MAML3: variants seen among roughly 807,000 people sequenced by gnomAD.
MAML3 encodes the protein mastermind-like protein 3.
A neutral mutation model predicts 101.9 loss-of-function variants in MAML3; 27 were observed. The ratio of observed to expected loss-of-function variants is 0.27; its 90% CI spans 0.20 to 0.37. The LOEUF (loss-of-function observed/expected upper bound fraction) is 0.37. Among genes scored for constraint, MAML3 ranks in the 10% least tolerant of loss-of-function variants. The pLI, the probability that MAML3 is intolerant of heterozygous loss-of-function variation, is 1.00. For synonymous variants in MAML3, 501 were observed against 555.9 expected, an observed-to-expected ratio of 0.90 and a Z score of 1.39; for missense variants, 1,316 against 1,444.9, an observed-to-expected ratio of 0.91 and a Z score of 1.45.
chr4:139,944,451 T>C (rs1479234675), intron 1 of MAML3, among the ~76,000 whole-genome samples: 2 of 152,110 alleles, frequency 1.3e-5, no homozygotes, highest in South Asian at 2.1e-4. Flanking sequence ...GTTCTTGCGA[T>C]AGTTTACTGA....
intron 2 of MAML3, among the ~76,000 whole-genome samples, chr4:139,762,987 C>T (rs1248446053): frequency 1.3e-5 from 2 of 152,144 alleles, no homozygotes; most frequent in Non-Finnish European, 2.9e-5. Flanking sequence ...GGCACAGTGT[C>T]TTCCTGGTCT....
Position 139,890,958 on chromosome 4 carries a change from T to C in MAML3, c.478A>G (p.Thr160Ala), listed in dbSNP as rs970678559. 5.0e-6 allele frequency: 8 copies of C among 1,611,198 alleles called. No homozygotes were observed. Among genetic ancestry groups the C allele is most frequent in the Non-Finnish European group, 5.9e-6 (7 of 1,178,288 alleles). The change falls in exon 2 of 5, where the codon ACT becomes GCT. Residue 160 changes from threonine (T) to alanine (A), a missense_variant. Physicochemically the swap from Thr to Ala is moderately conservative, Grantham distance 58. Transcript: ENST00000509479. This position sits in a 1 kb window ranked among gnomAD's most constrained non-coding sequence, Gnocchi z 4.1. Reference sequence around the variant, plus strand: ...GCTCCTTCCAACTTCCTTTTCACAGTCTCTTGTAGCTGGAAAAGAAACAGG... The same window carrying C: ...GCTCCTTCCAACTTCCTTTTCACAGCCTCTTGTAGCTGGAAAAGAAACAGG... ...RNHTLIMLQE[T>A]VKRKLEGARS...
At chr4:140,011,827 T>C (rs1011469970) in intron 1 of MAML3, among the ~76,000 whole-genome samples, 11 of 152,184 alleles carry the variant, frequency 7.2e-5, no homozygotes, top group Non-Finnish European at 1.2e-4. Flanking sequence ...AAAATGCAAT[T>C]AATGATTCAT....
chr4:139,732,130 G>C (rs1014965125), intron 2 of MAML3, among the ~76,000 whole-genome samples: 2 of 152,192 alleles, frequency 1.3e-5, no homozygotes, highest in Admixed American at 6.5e-5. Flanking sequence ...GAATAACTCT[G>C]TCATTTAAAA....
chr4:139,725,163 GT>G (rs1489209394), intron 4 of MAML3, among the ~76,000 whole-genome samples: 1 of 152,118 alleles, frequency 6.6e-6, no homozygotes, highest in Non-Finnish European at 1.5e-5. Context: ...CTGCTACTAG[GT>G]CATGATTTAG....
chr4:139,962,745 G>A (rs912487154), intron 1 of MAML3, among the ~76,000 whole-genome samples: 13 of 152,234 alleles, frequency 8.5e-5, no homozygotes, highest in Admixed American at 3.3e-4. Context: ...AGGAATGAGA[G>A]AGAGAGGCTG....
intron 1 of MAML3, among the ~76,000 whole-genome samples, chr4:139,895,772 T>A (rs1289682606): frequency 6.6e-6 from 1 of 152,208 alleles, no homozygotes; most frequent in African/African-American, 2.4e-5. Flanking sequence ...AATGCATTCA[T>A]GTCCTAGATT....
intron 1 of MAML3, among the ~76,000 whole-genome samples, chr4:140,061,873 A>G (rs1727452594): frequency 6.6e-6 from 1 of 152,192 alleles, no homozygotes; most frequent in African/African-American, 2.4e-5. Flanking sequence ...TACTGAAACA[A>G]ACTCAACTAT....
At chr4:140,133,147 G>T in intron 1 of MAML3, 1 of 406,912 alleles carries the variant, frequency 2.5e-6, no homozygotes, top group South Asian at 1.8e-5. Flanking sequence ...GTTTGACTAG[G>T]TTTAAATAAA....
chr4:139,840,392 C>CA (rs1731339867), intron 2 of MAML3, among the ~76,000 whole-genome samples: 1 of 152,176 alleles, frequency 6.6e-6, no homozygotes, highest in South Asian at 2.1e-4. Flanking sequence ...CAAAACTTCT[C>CA]AGAGCTTCGT....
At chr4:139,792,702 T>G (rs530427725) in intron 2 of MAML3, among the ~76,000 whole-genome samples, 1 of 152,236 alleles carries the variant, frequency 6.6e-6, no homozygotes, top group East Asian at 1.9e-4. Flanking sequence ...TTGCACTGGA[T>G]AGTAGAATTC....
rs751393457 is a variant in MAML3 at position 140,152,917 on chromosome 4, T to C, written c.411A>G (p.Lys137=). ...AGTGKQQHPS[K]PQQDAEAASA... is the part of the protein sequence containing the mutation. ...AGGCAGCCTCCGCATCTTGCTGGGGTTTGCTCGGGTGCTGCTGTTTGCCGG... is the reference window on the plus strand; with the variant it reads ...AGGCAGCCTCCGCATCTTGCTGGGGCTTGCTCGGGTGCTGCTGTTTGCCGG... Residue 137 remains lysine (K), a synonymous_variant, in exon 1 of 5, where the codon AAA becomes AAG. Coordinates refer to ENST00000509479, the MANE Select transcript of MAML3 (RefSeq NM_018717.5). 5.1e-5 allele frequency: 82 copies of C among 1,612,414 alleles called. No individual in the cohort carries two copies. The highest frequency in any genetic ancestry group is 6.6e-5 in the Non-Finnish European group (78 of 1,179,652).
At chr4:139,781,943 C>A (rs1298785236) in intron 2 of MAML3, among the ~76,000 whole-genome samples, 1 of 152,132 alleles carries the variant, frequency 6.6e-6, no homozygotes, top group African/African-American at 2.4e-5. Context: ...CAGTTTGGTC[C>A]AACAGAGGCT....
chr4:139,756,080 GA>G (rs779853422), intron 2 of MAML3, among the ~76,000 whole-genome samples: 1 of 151,924 alleles, frequency 6.6e-6, no homozygotes, highest in African/African-American at 2.4e-5. Flanking sequence ...CATAGTAGAA[GA>G]AAAAAAAGCA....
Position 139,932,877 on chromosome 4 carries a change from TAGA to T in MAML3, c.469-41913_469-41911del, listed in dbSNP as rs3830480. Among the ~76,000 whole-genome samples, 102 of 152,262 alleles carry T rather than the reference TAGA, an allele frequency of 6.7e-4. 1 individual carries two copies. The East Asian group carries it at 0.014, about 21-fold the overall frequency. On this transcript the variant is annotated intron_variant, in intron 1 of 4. Transcript: ENST00000509479. ...TTTGTTCACAGCTGACTGAACCAGGTAGAAGGACCCAACCCAAGGAAAACCCGT... is the reference window on the plus strand; with the variant it reads ...TTTGTTCACAGCTGACTGAACCAGGTAGGACCCAACCCAAGGAAAACCCGT...
In MAML3 at chr4:139,719,048, C is replaced by T. The variant is rs548921471; in HGVS notation, c.*275G>A. The T allele has an allele frequency of 1.9e-5, 8 of 416,126 alleles. No individual in the cohort carries two copies. Among genetic ancestry groups the T allele is most frequent in the Admixed American group, 8.4e-5 (2 of 23,826 alleles). 25.8% of individuals were successfully genotyped at this position (416,126 alleles called of 1,614,324 possible). Reference sequence around the variant, plus strand: ...GCATGCTGGGCAGAGGGGCTCTGGCCGGCTTCATCTTCCCACCTGCTCCTC... The same window carrying T: ...GCATGCTGGGCAGAGGGGCTCTGGCTGGCTTCATCTTCCCACCTGCTCCTC... On this transcript the variant is annotated 3_prime_UTR_variant, in exon 5 of 5. Transcript: ENST00000509479.
chr4:139,897,760 C>T (rs1732640723), intron 1 of MAML3, among the ~76,000 whole-genome samples: 1 of 152,296 alleles, frequency 6.6e-6, no homozygotes, highest in African/African-American at 2.4e-5. Context: ...CTAAAGCTGT[C>T]CACCATCTTC....
At chr4:140,077,786 G>A (rs1385780061) in intron 1 of MAML3, among the ~76,000 whole-genome samples, 4 of 152,146 alleles carry the variant, frequency 2.6e-5, no homozygotes, top group Admixed American at 1.3e-4. Flanking sequence ...TTGGAAGGCC[G>A]AGGTGGGCGG....
intron 2 of MAML3, among the ~76,000 whole-genome samples, chr4:139,832,788 C>T (rs143515116): frequency 1.4e-3 from 216 of 152,336 alleles, no homozygotes; most frequent in African/African-American, 5.0e-3. Flanking sequence ...AGCACATAAT[C>T]TGTATAAACA....
Sources: allele counts gnomAD v4.1 joint callset (sites outside exome capture counted in the v4.1 genomes callset), GRCh38; gene constraint gnomAD v4.1.1; non-coding constraint Gnocchi (gnomAD v3.1); transcripts MANE v1.5; gene names NCBI Gene and HGNC (gene_info 2026-07-23, HGNC 2026-07-21).